The following NRCAM variants were observed in gnomAD, a reference collection of about 807,000 sequenced individuals.
The protein encoded by NRCAM is NgCAM-related cell adhesion molecule.
NRCAM carries 83 observed loss-of-function variants against 156.5 expected under a neutral mutation model. The observed-to-expected ratio is 0.53, with a 90% CI of 0.44 to 0.64. NRCAM has a LOEUF of 0.64. NRCAM is among the 30% of genes least tolerant of loss of function. The pLI, the probability that NRCAM is intolerant of heterozygous loss-of-function variation, is 0.00. For missense variants in NRCAM, 1,417 were observed against 1,597.3 expected (o/e 0.89, Z 1.92); for synonymous variants, 538 against 563.9 (o/e 0.95, Z 0.65).
At chr7:108,318,838 T>C (rs1270926364) in intron 2 of NRCAM, among the ~76,000 whole-genome samples, 1 of 152,158 alleles carries the variant, frequency 6.6e-6, no homozygotes, top group Non-Finnish European at 1.5e-5. Flanking sequence ...ACCCACCAAG[T>C]TATAGAATGA....
rs542886981 is a variant in NRCAM, at chr7:108,148,268, G to C, written c.*1642C>G. On this transcript the variant is annotated 3_prime_UTR_variant, in exon 33 of 33. Coordinates refer to ENST00000379028, the MANE Select transcript of NRCAM (RefSeq NM_001037132.4). ...TAGATGCTTTCCAATCCCATTCACT[G>C]CATTAATTAGCTTACCTCTTATACA... is the stretch of plus-strand genomic sequence containing the variant. The C allele has an allele frequency of 6.6e-6, 1 of 152,600 alleles. No homozygotes were observed. Among genetic ancestry groups the C allele is most frequent in the African/African-American group, 2.4e-5 (1 of 41,432 alleles). 9.5% of individuals were successfully genotyped at this position (152,600 alleles called of 1,614,324 possible).
chr7:108,218,244 C>T lies in NRCAM; in HGVS notation c.890+5481G>A, dbSNP rs185009185. Among the ~76,000 whole-genome samples the T allele has an allele frequency of 1.4e-3, 212 of 151,810 alleles. 2 individuals are homozygous for T. Among genetic ancestry groups the T allele is most frequent in the African/African-American group, 4.8e-3 (200 of 41,308 alleles). On this transcript the variant is annotated intron_variant, in intron 11 of 32. Coordinates refer to ENST00000379028, the MANE Select transcript of NRCAM (RefSeq NM_001037132.4). The stretch of plus-strand genomic sequence containing the variant: ...GTGACACCCCCACCCTGCTTCGGCT[C>T]GCCCTCTGTGGGCTGCTTCCACTGT...
intron 2 of NRCAM, among the ~76,000 whole-genome samples, chr7:108,377,760 T>G (rs1299100573): frequency 6.6e-6 from 1 of 152,024 alleles, no homozygotes; most frequent in African/African-American, 2.4e-5. Flanking sequence ...TATAACAGAC[T>G]ACACATTCTG....
At chr7:108,183,028 T>C (rs1314629732) in intron 22 of NRCAM, 108 bp from the exon 23 acceptor site, 1 of 880,894 alleles carries the variant, frequency 1.1e-6, no homozygotes, top group East Asian at 2.6e-5. Flanking sequence ...ATCATTGAAA[T>C]ACTAAAACAC....
intron 32 of NRCAM, among the ~76,000 whole-genome samples, chr7:108,152,033 A>G (rs943416947): frequency 6.6e-6 from 1 of 152,310 alleles, no homozygotes; most frequent in Non-Finnish European, 1.5e-5. Context: ...GGCACTGGGA[A>G]TATAGCAGCA....
intron 1 of NRCAM, among the ~76,000 whole-genome samples, chr7:108,413,046 C>T (rs1342993559): frequency 2.0e-5 from 3 of 152,062 alleles, no homozygotes; most frequent in Non-Finnish European, 2.9e-5. Flanking sequence ...TGGACATATG[C>T]CCAGTTGGAT....
At chr7:108,444,567 G>C (rs1305061249) in intron 1 of NRCAM, among the ~76,000 whole-genome samples, 1 of 152,192 alleles carries the variant, frequency 6.6e-6, no homozygotes, top group Non-Finnish European at 1.5e-5. Context: ...GGCTGTGAGA[G>C]AGAATCTGTT....
intron 3 of NRCAM, among the ~76,000 whole-genome samples, chr7:108,255,683 G>C (rs2096604264): frequency 6.6e-6 from 1 of 151,116 alleles, no homozygotes; most frequent in South Asian, 2.1e-4. Flanking sequence ...GAGATGTGGG[G>C]AGCGCCTCTA....
intron 2 of NRCAM, among the ~76,000 whole-genome samples, chr7:108,343,531 C>A (rs140411564): frequency 2.4e-4 from 37 of 152,226 alleles, no homozygotes; most frequent in African/African-American, 8.7e-4. Context: ...TATAGAAGGA[C>A]CCCTAGTATG....
intron 2 of NRCAM, among the ~76,000 whole-genome samples, chr7:108,323,049 G>GT (rs2099021250): frequency 6.6e-6 from 1 of 152,168 alleles, no homozygotes; most frequent in Admixed American, 6.5e-5. Context: ...TGTTACCGGT[G>GT]TTATGAGAGC....
At chr7:108,389,289 G>A (rs1467757585) in intron 2 of NRCAM, among the ~76,000 whole-genome samples, 1 of 151,784 alleles carries the variant, frequency 6.6e-6, no homozygotes, top group African/African-American at 2.4e-5. Flanking sequence ...CTTGTAAGTT[G>A]GATTCCTAGG....
chr7:108,328,604 C>T (rs1445882175), intron 2 of NRCAM: 1 of 152,152 alleles, frequency 6.6e-6, no homozygotes, highest in Non-Finnish European at 1.5e-5. Context: ...CAAAGCTGCT[C>T]AGACCTCCCA....
At position 108,247,347 on chromosome 7, in the gene NRCAM, A is replaced by G. The variant is rs566897491; in HGVS notation, c.-106-7177T>C. Reference sequence around the variant, plus strand: ...AGGAGGACTGATGATCCAAATGTGCAGGTCTCCTTACAAGGTCATGGCCGA... The same window carrying G: ...AGGAGGACTGATGATCCAAATGTGCGGGTCTCCTTACAAGGTCATGGCCGA... On this transcript the variant is annotated intron_variant, in intron 3 of 32. Transcript: ENST00000379028. 2.0e-5 allele frequency among the ~76,000 whole-genome samples: 3 copies of G among 152,320 alleles called. No individual in the cohort carries two copies. The East Asian group carries it at 5.8e-4, about 29-fold the overall frequency.
At position 108,234,664 on chromosome 7, in the gene NRCAM, T is replaced by C; in HGVS notation, c.149A>G (p.Gln50Arg). 3.7e-6 allele frequency: 6 copies of C among 1,611,400 alleles called. No individual in the cohort carries two copies. The highest frequency in any genetic ancestry group is 4.2e-6 in the Non-Finnish European group (5 of 1,177,864). ...EDLVQPPTIT[Q>R]QSPKDYIIDP... ...AATAATGTAATCTTTTGGAGACTGT[T>C]GGGTGATGGTTGGAGGCTGTACCAC... is the stretch of plus-strand genomic sequence containing the variant. Residue 50 changes from glutamine (Q) to arginine (R), a missense_variant, in exon 6 of 33, where the codon CAA becomes CGA. Physicochemically the swap from Gln to Arg is conservative, Grantham distance 43. This residue lies in a region of NRCAM where 1,238 missense variants were observed against 1,336.4 expected (regional missense o/e 0.93). Coordinates refer to ENST00000379028, the MANE Select transcript of NRCAM (RefSeq NM_001037132.4).
intron 29 of NRCAM, 36 bp downstream of exon 29, chr7:108,168,241 C>A: frequency 6.8e-7 from 1 of 1,473,394 alleles, no homozygotes; most frequent in South Asian, 1.5e-5. Flanking sequence ...AATGCATCCC[C>A]CAAATTAAAA....
chr7:108,381,436 CA>C (rs1373196440), intron 2 of NRCAM, among the ~76,000 whole-genome samples: 4 of 151,914 alleles, frequency 2.6e-5, no homozygotes, highest in African/African-American at 9.7e-5. Flanking sequence ...TGCTGTGATC[CA>C]AAAAGGGCCT....
chr7:108,291,569 A>C (rs986005305), intron 3 of NRCAM, among the ~76,000 whole-genome samples: 3 of 152,212 alleles, frequency 2.0e-5, no homozygotes, highest in Non-Finnish European at 2.9e-5. Flanking sequence ...GTTTTTAAGT[A>C]TATTTGTTAT....
At chr7:108,455,043 G>A (rs1855095020) in intron 1 of NRCAM, among the ~76,000 whole-genome samples, 1 of 152,162 alleles carries the variant, frequency 6.6e-6, no homozygotes. Flanking sequence ...GGGGGACGAA[G>A]ATGTGGCCGC....
At chr7:108,437,622 G>A (rs1278058968) in intron 1 of NRCAM, among the ~76,000 whole-genome samples, 1 of 151,928 alleles carries the variant, frequency 6.6e-6, no homozygotes, top group East Asian at 1.9e-4. Context: ...AGGCCTGAAG[G>A]CCGTAGAATA....
Sources: allele counts gnomAD v4.1 joint callset (sites outside exome capture counted in the v4.1 genomes callset), GRCh38; gene constraint gnomAD v4.1.1; regional missense constraint gnomAD v4.1.1; transcripts MANE v1.5; gene names NCBI Gene and HGNC (gene_info 2026-07-23, HGNC 2026-07-21).